Variants in USP10 observed in about 807,000 individuals in gnomAD.
USP10 encodes ubiquitin specific peptidase 10, also known as ubiquitin carboxyl-terminal hydrolase 10.
USP10 carries 22 observed loss-of-function variants against 84.5 expected under a neutral mutation model. The ratio of observed to expected loss-of-function variants is 0.26; its 90% CI spans 0.19 to 0.37. The LOEUF (loss-of-function observed/expected upper bound fraction) is 0.37, where lower values mean the gene tolerates loss of function less well. USP10 is among the 10% of genes least tolerant of loss of function. USP10 has a pLI of 1.00. For synonymous variants in USP10, 454 were observed against 387.6 expected (o/e 1.17, Z -2.01); for missense variants, 1,019 against 998.9 (o/e 1.02, Z -0.27).
intron 3 of USP10, among the ~76,000 whole-genome samples, chr16:84,742,773 A>G (rs1910774889): frequency 6.6e-6 from 1 of 152,222 alleles, no homozygotes; most frequent in South Asian, 2.1e-4. Context: ...CTGGCTAGGA[A>G]TCTGCCTTCT....
chr16:84,776,394 A>G (rs1338775702), intron 13 of USP10, among the ~76,000 whole-genome samples: 2 of 151,776 alleles, frequency 1.3e-5, no homozygotes, highest in Non-Finnish European at 1.5e-5. Flanking sequence ...TCCTCTCACT[A>G]TTCATTGTTC....
intron 1 of USP10, among the ~76,000 whole-genome samples, chr16:84,714,467 C>T (rs972021246): frequency 2.0e-5 from 3 of 152,002 alleles, no homozygotes; most frequent in Non-Finnish European, 2.9e-5. Flanking sequence ...TACAGACGTG[C>T]GCCACCGTGC....
At chr16:84,718,508 C>T (rs1232072595) in intron 1 of USP10, among the ~76,000 whole-genome samples, 7 of 152,148 alleles carry the variant, frequency 4.6e-5, no homozygotes, top group Non-Finnish European at 2.9e-5. Context: ...CCTGTAATCC[C>T]AGCACTTTGG....
At chr16:84,716,668 G>C (rs1187352540) in intron 1 of USP10, 4 of 152,304 alleles carry the variant, frequency 2.6e-5, no homozygotes, top group Non-Finnish European at 1.5e-5. Flanking sequence ...CCTGCACGAA[G>C]GCTGATCAGC....
chr16:84,707,343 T>C (rs1217776972), intron 1 of USP10, among the ~76,000 whole-genome samples: 1 of 152,200 alleles, frequency 6.6e-6, no homozygotes, highest in Non-Finnish European at 1.5e-5. Context: ...TTCACTAAAG[T>C]TTGTGTGGGG....
At chr16:84,773,349 A>G (rs1201182291) in intron 12 of USP10, among the ~76,000 whole-genome samples, 28 of 152,198 alleles carry the variant, frequency 1.8e-4, no homozygotes, top group Non-Finnish European at 1.5e-5. Context: ...GGAAGCAGAA[A>G]AGAGGACACT....
intron 4 of USP10, among the ~76,000 whole-genome samples, chr16:84,749,916 T>G (rs1487032539): frequency 6.6e-6 from 1 of 152,214 alleles, no homozygotes; most frequent in South Asian, 2.1e-4. Flanking sequence ...TTTTCAAGTG[T>G]GAACTGTTAT....
chr16:84,773,902 C>T (rs1914705304), intron 12 of USP10, among the ~76,000 whole-genome samples: 1 of 152,128 alleles, frequency 6.6e-6, no homozygotes, highest in African/African-American at 2.4e-5. Context: ...TATATCTTTT[C>T]TTGCTTGCTG....
At chr16:84,728,595 C>T (rs2150791019) in intron 1 of USP10, among the ~76,000 whole-genome samples, 1 of 152,218 alleles carries the variant, frequency 6.6e-6, no homozygotes, top group South Asian at 2.1e-4. Flanking sequence ...TCCCAAAGTG[C>T]TGGGATTACA....
intron 4 of USP10, 49 bp from the exon 5 acceptor site, chr16:84,758,667 C>G: frequency 7.7e-7 from 1 of 1,296,448 alleles, no homozygotes; most frequent in Non-Finnish European, 1.1e-6. Flanking sequence ...TTTGAATGTT[C>G]TTCACTAGAT....
At chr16:84,733,125 G>C (rs1397016403) in intron 1 of USP10, 1 of 487,742 alleles carries the variant, frequency 2.1e-6, no homozygotes, top group East Asian at 5.8e-5. Context: ...ACAACTGGCA[G>C]TATTTGTGAA....
intron 10 of USP10, among the ~76,000 whole-genome samples, chr16:84,767,598 A>G (rs1474879195): frequency 1.3e-5 from 2 of 152,218 alleles, no homozygotes; most frequent in African/African-American, 4.8e-5. Context: ...TTTTGAGGCC[A>G]TGGCAGGGTG....
chr16:84,779,007 C>T lies in USP10; in HGVS notation c.2322C>T (p.Asn774=). 1.2e-6 allele frequency: 2 copies of T among 1,614,044 alleles called. No individual in the cohort carries two copies. Among genetic ancestry groups the T allele is most frequent in the Non-Finnish European group, 1.7e-6 (2 of 1,179,912 alleles). ...ATGACCAGACAGTCAAGGTGATCAA[C>T]CAGTACCAGGTGGTGAAACCAACTG... ...RIDDQTVKVI[N]QYQVVKPTAE... Residue 774 remains asparagine, a synonymous_variant, in exon 14 of 14, where the codon AAC becomes AAT. Transcript: ENST00000219473.
At chr16:84,740,622 T>G (rs1020578386) in intron 3 of USP10, among the ~76,000 whole-genome samples, 1 of 152,266 alleles carries the variant, frequency 6.6e-6, no homozygotes, top group Admixed American at 6.5e-5. Context: ...CTTTTTTTCC[T>G]AACAGTTCTG....
At chr16:84,758,111 A>G (rs1912797061) in intron 4 of USP10, among the ~76,000 whole-genome samples, 2 of 152,360 alleles carry the variant, frequency 1.3e-5, no homozygotes, top group East Asian at 3.9e-4. Context: ...GTGTTTGTAA[A>G]TGGAATAAGG....
At chr16:84,707,703 A>G (rs528188928) in intron 1 of USP10, among the ~76,000 whole-genome samples, 7 of 152,344 alleles carry the variant, frequency 4.6e-5, no homozygotes, top group African/African-American at 1.2e-4. Flanking sequence ...GTGACTTATC[A>G]GGATCCAGTG....
At chr16:84,720,705 C>A (rs542949999) in intron 1 of USP10, among the ~76,000 whole-genome samples, 1 of 149,196 alleles carries the variant, frequency 6.7e-6, no homozygotes, top group East Asian at 2.0e-4. Context: ...CCTCAGCCTC[C>A]TGAGTAGTTA....
rs4783058 is a variant in USP10 at position 84,756,994 on chromosome 16, G to T, written c.1193-1722G>T. The stretch of plus-strand genomic sequence containing the variant: ...AACCTCTTGAGTCAGGTGGACCCAG[G>T]TTCACAGGTCATTTCAGCTGTTATG... On this transcript the variant is annotated intron_variant, in intron 4 of 13. Transcript: ENST00000219473. 1.7e-3 allele frequency among the ~76,000 whole-genome samples: 257 copies of T among 152,302 alleles called. 2 individuals are homozygous for T. Among genetic ancestry groups the T allele is most frequent in the Admixed American group, 0.014 (214 of 15,302 alleles).
At chr16:84,716,752 C>G (rs1907069887) in intron 1 of USP10, among the ~76,000 whole-genome samples, 1 of 152,142 alleles carries the variant, frequency 6.6e-6, no homozygotes, top group South Asian at 2.1e-4. Context: ...GGCAGAGACG[C>G]CCATTACACC....
Sources: allele counts gnomAD v4.1 joint callset (sites outside exome capture counted in the v4.1 genomes callset), GRCh38; gene constraint gnomAD v4.1.1; transcripts MANE v1.5; gene names NCBI Gene and HGNC (gene_info 2026-07-23, HGNC 2026-07-21).